MED13L: variants seen among roughly 807,000 people sequenced by gnomAD.
The protein encoded by MED13L is mediator complex subunit 13L.
Under a neutral mutation model 220.9 loss-of-function variants are expected in MED13L, and 7 were observed. The observed-to-expected ratio is 0.03, with a 90% CI of 0.02 to 0.06. MED13L has a LOEUF of 0.06. Among genes scored for constraint, MED13L ranks in the 10% least tolerant of loss-of-function variants. The pLI is 1.00. For synonymous variants in MED13L, 1,011 were observed against 1,015.2 expected, an observed-to-expected ratio of 1.00 and a Z score of 0.08; for missense variants, 1,965 against 2,760.5, an observed-to-expected ratio of 0.71 and a Z score of 6.46.
rs189380610 is a variant in MED13L at position 116,012,492 on chromosome 12, A to C, written c.1280+305T>G. On this transcript the variant is annotated intron_variant, in intron 9 of 30. Coordinates refer to ENST00000281928, the MANE Select transcript of MED13L (RefSeq NM_015335.5). ...TTAATGTATCTCTACTTTAAAATTA[A>C]GAGTAGTTAAATAAAGTCATTTAAA... 8.1e-3 allele frequency among the ~76,000 whole-genome samples: 1,241 copies of C among 152,296 alleles called. 13 individuals are homozygous for C. The highest frequency in any genetic ancestry group is 0.014 in the Non-Finnish European group (939 of 68,026).
chr12:116,095,900 T>A (rs893857307), intron 4 of MED13L, among the ~76,000 whole-genome samples: 1 of 152,166 alleles, frequency 6.6e-6, no homozygotes, highest in Admixed American at 6.5e-5. Context: ...ACACATATGA[T>A]GGCTAAAAGT....
intron 4 of MED13L, among the ~76,000 whole-genome samples, 166 bp from the exon 5 acceptor site, chr12:116,022,767 C>T (rs1238225654): frequency 3.3e-5 from 5 of 152,140 alleles, no homozygotes; most frequent in African/African-American, 1.2e-4. Context: ...ACAAACTAAG[C>T]CATCAGATAA....
At chr12:115,977,534 A>G (rs1877019795) in intron 23 of MED13L, among the ~76,000 whole-genome samples, 3 of 152,334 alleles carry the variant, frequency 2.0e-5, no homozygotes, top group Middle Eastern at 3.4e-3. Flanking sequence ...CAAGTGCCAA[A>G]AAGTGGAAAC....
rs1875574581 is a variant in MED13L at position 115,958,758 on chromosome 12, A to AT, written c.*2507dup. The AT allele has an allele frequency of 6.6e-6, 1 of 152,578 alleles. No homozygotes were observed. The highest frequency in any genetic ancestry group is 2.4e-5 in the African/African-American group (1 of 41,440). The allele number at this position is 152,578 out of a possible 1,614,324, so 9.5% of individuals were successfully genotyped here. ...TTATTTTTTTAAATGAACTTCACAT[A>AT]TTTTTGTATTCTTTCAAATTGTTTG... On this transcript the variant is annotated 3_prime_UTR_variant, in exon 31 of 31. Transcript: ENST00000281928.
At chr12:116,125,245 A>G (rs1288781341) in intron 2 of MED13L, among the ~76,000 whole-genome samples, 1 of 152,226 alleles carries the variant, frequency 6.6e-6, no homozygotes, top group Admixed American at 6.5e-5. Context: ...CTGAGGTGGG[A>G]GGACACATGA....
At chr12:116,080,150 T>C (rs913459375) in intron 4 of MED13L, among the ~76,000 whole-genome samples, 1 of 152,136 alleles carries the variant, frequency 6.6e-6, no homozygotes, top group African/African-American at 2.4e-5. Context: ...TGCTATATTG[T>C]AACTTGAGTG....
At chr12:116,026,280 G>T (rs1880388424) in intron 4 of MED13L, among the ~76,000 whole-genome samples, 1 of 152,130 alleles carries the variant, frequency 6.6e-6, no homozygotes, top group African/African-American at 2.4e-5. Flanking sequence ...ATTTGAATTT[G>T]CTATGTCCCA....
At position 116,022,606 on chromosome 12, in the gene MED13L, A is replaced by G; in HGVS notation, c.480-5T>C. 1 of 1,611,004 alleles carries G rather than the reference A, an allele frequency of 6.2e-7. No individual in the cohort carries two copies. The highest frequency in any genetic ancestry group is 8.5e-7 in the Non-Finnish European group (1 of 1,178,386). On this transcript the variant is annotated splice_polypyrimidine_tract_variant and splice_region_variant and intron_variant, in intron 4 of 30. Coordinates refer to ENST00000281928, the MANE Select transcript of MED13L (RefSeq NM_015335.5). ...AAAGCACAGGACAAATGCTCACTAC[A>G]AAAGAGAGAATGAGAAACTCAACTT...
chr12:116,234,276 A>G (rs7974533), intron 2 of MED13L, among the ~76,000 whole-genome samples: 142,559 of 152,058 alleles, frequency 0.94, 66,962 homozygotes, highest in East Asian at 1. Context: ...GTTGCCCAGC[A>G]GAGTGCTGTG....
intron 23 of MED13L, among the ~76,000 whole-genome samples, chr12:115,977,102 AG>A (rs1876991534): frequency 6.6e-6 from 1 of 152,334 alleles, no homozygotes; most frequent in South Asian, 2.1e-4. Flanking sequence ...GCAGTGACCC[AG>A]GTTCATGCCA....
At chr12:116,031,788 G>A (rs897156240) in intron 4 of MED13L, among the ~76,000 whole-genome samples, 1 of 148,582 alleles carries the variant, frequency 6.7e-6, no homozygotes, top group African/African-American at 2.5e-5. Flanking sequence ...AGGAAGGAAG[G>A]AAGGAAGGAA....
chr12:116,031,095 T>C (rs1187781474), intron 4 of MED13L, among the ~76,000 whole-genome samples: 1 of 152,098 alleles, frequency 6.6e-6, no homozygotes, highest in South Asian at 2.1e-4. Context: ...TTTTTAAAAC[T>C]CTTAGGGAAC....
rs142205924 is a variant in MED13L, at chr12:115,991,405, C to T, written c.3549G>A (p.Glu1183=). ...GYNSGLFLED[E]LDIFGKNSDI... ...CAGAATTCTTCCCAAAAATATCCAACTCATCTTCAAGGAAGAGTCCTGAAT... is the reference window on the plus strand; with the variant it reads ...CAGAATTCTTCCCAAAAATATCCAATTCATCTTCAAGGAAGAGTCCTGAAT... The change falls in exon 17 of 31, where the codon GAG becomes GAA. Residue 1183 remains glutamate, a synonymous_variant. Coordinates refer to ENST00000281928, the MANE Select transcript of MED13L (RefSeq NM_015335.5). The surrounding 1 kb of genome is among the most constrained non-coding windows in gnomAD (Gnocchi z 7.7). 1.2e-6 allele frequency: 2 copies of T among 1,613,954 alleles called. No individual in the cohort carries two copies. Among genetic ancestry groups the T allele is most frequent in the African/African-American group, 2.7e-5 (2 of 74,872 alleles).
At chr12:116,006,741 A>G (rs1298756231) in intron 11 of MED13L, 2 of 380,722 alleles carry the variant, frequency 5.3e-6, no homozygotes, top group Non-Finnish European at 9.8e-6. Context: ...TAAATTATAG[A>G]TTTGGCTTTC....
intron 7 of MED13L, among the ~76,000 whole-genome samples, chr12:116,018,450 A>G (rs767908028): frequency 7.2e-5 from 11 of 152,156 alleles, no homozygotes; most frequent in Non-Finnish European, 1.5e-4. Context: ...CCAAGGCTTT[A>G]TTTACTCTAA....
intron 6 of MED13L, 21 bp from the exon 7 acceptor site, chr12:116,019,433 G>A: frequency 6.2e-7 from 1 of 1,611,278 alleles, no homozygotes; most frequent in Non-Finnish European, 8.5e-7. Flanking sequence ...AGAGAACAAG[G>A]AAAGAATCAG....
intron 2 of MED13L, among the ~76,000 whole-genome samples, chr12:116,165,565 G>A (rs1879199748): frequency 6.6e-6 from 1 of 151,476 alleles, no homozygotes; most frequent in African/African-American, 2.4e-5. Flanking sequence ...TCCTTACCTC[G>A]TGATCCCCCC....
At chr12:115,980,387 G>C in intron 23 of MED13L, 1 of 279,148 alleles carries the variant, frequency 3.6e-6, no homozygotes, top group Non-Finnish European at 7.0e-6. Flanking sequence ...GTGGTTATGT[G>C]ATCACAGCTC....
intron 7 of MED13L, among the ~76,000 whole-genome samples, chr12:116,016,623 G>T (rs1436220026): frequency 2.0e-5 from 3 of 152,108 alleles, no homozygotes; most frequent in Admixed American, 6.5e-5. Flanking sequence ...ACCAAGAAAA[G>T]AAAAGAGTAG....
Sources: allele counts gnomAD v4.1 joint callset (sites outside exome capture counted in the v4.1 genomes callset), GRCh38; gene constraint gnomAD v4.1.1; non-coding constraint Gnocchi (gnomAD v3.1); transcripts MANE v1.5; gene names NCBI Gene and HGNC (gene_info 2026-07-23, HGNC 2026-07-21).